Variants in ALK observed in about 807,000 individuals in gnomAD.
ALK encodes ALK tyrosine kinase receptor.
A neutral mutation model predicts 163.1 loss-of-function variants in ALK; 74 were observed. The ratio of observed to expected loss-of-function variants is 0.45; its 90% CI spans 0.38 to 0.55. ALK has a LOEUF of 0.55. Ranked by LOEUF, ALK falls within the 20% of genes least tolerant of loss-of-function variation. The pLI is 0.00. For synonymous variants in ALK, 960 were observed against 843.2 expected (o/e 1.14, Z -2.40); for missense variants, 2,063 against 2,105.3 (o/e 0.98, Z 0.39).
intron 23 of ALK, among the ~76,000 whole-genome samples, chr2:29,217,133 TGTG>T (rs1441733095): frequency 4.6e-5 from 3 of 64,586 alleles, no homozygotes; most frequent in Non-Finnish European, 7.7e-5. Flanking sequence ...GTGTGTGGTG[TGTG>T]TGTGTGTGTG....
intron 3 of ALK, among the ~76,000 whole-genome samples, chr2:29,551,172 T>C (rs1673704361): frequency 6.6e-6 from 1 of 152,136 alleles, no homozygotes; most frequent in South Asian, 2.1e-4. Flanking sequence ...TTTAAAGAAA[T>C]GGAGTTATTT....
intron 1 of ALK, among the ~76,000 whole-genome samples, chr2:29,859,588 T>C (rs933358965): frequency 6.7e-6 from 1 of 150,082 alleles, no homozygotes; most frequent in Non-Finnish European, 1.5e-5. Context: ...AAAACCTGAG[T>C]GAAGGTAATG....
intron 5 of ALK, among the ~76,000 whole-genome samples, chr2:29,333,091 A>T (rs977448380): frequency 1.3e-5 from 2 of 151,944 alleles, no homozygotes; most frequent in Non-Finnish European, 2.9e-5. Flanking sequence ...GATTTCTTTG[A>T]TAGCCAGTGA....
intron 25 of ALK, among the ~76,000 whole-genome samples, chr2:29,209,206 A>C (rs1298004222): frequency 6.6e-6 from 1 of 152,152 alleles, no homozygotes; most frequent in African/African-American, 2.4e-5. Context: ...GTCTCAGAGC[A>C]TGGCCAGATT....
At chr2:29,897,005 A>T (rs1445322148) in intron 1 of ALK, among the ~76,000 whole-genome samples, 1 of 152,248 alleles carries the variant, frequency 6.6e-6, no homozygotes, top group Non-Finnish European at 1.5e-5. Flanking sequence ...ATGTAAATAG[A>T]GATCTACAAT....
At position 29,398,955 on chromosome 2, in the gene ALK, TTG is replaced by T. The variant is rs1339037819; in HGVS notation, c.1155-15098_1155-15097del. Among the ~76,000 whole-genome samples the T allele has an allele frequency of 3.9e-5, 6 of 152,258 alleles. No individual in the cohort carries two copies. In the East Asian group the frequency reaches 7.7e-4, roughly 20 times the overall value. On this transcript the variant is annotated intron_variant, in intron 4 of 28. Coordinates refer to ENST00000389048, the MANE Select transcript of ALK (RefSeq NM_004304.5). The stretch of plus-strand genomic sequence containing the variant: ...GCTCTTCATGGCTACAGGGTGAGGC[TTG>T]TGTGGCAGGAGCTGCTGCAGGGGTA...
At chr2:29,564,175 T>A (rs572481407) in intron 3 of ALK, among the ~76,000 whole-genome samples, 6 of 152,252 alleles carry the variant, frequency 3.9e-5, no homozygotes, top group African/African-American at 9.6e-5. Context: ...GGTGCGAGCT[T>A]TGGACTCAGC....
At chr2:29,639,099 TAGA>T (rs1476745443) in intron 3 of ALK, among the ~76,000 whole-genome samples, 3 of 152,314 alleles carry the variant, frequency 2.0e-5, no homozygotes, top group Middle Eastern at 3.4e-3. Context: ...GACCTTATAG[TAGA>T]AGACCTCATG....
intron 1 of ALK, among the ~76,000 whole-genome samples, chr2:29,812,415 AC>A (rs1223387003): frequency 6.6e-6 from 1 of 152,178 alleles, no homozygotes; most frequent in Non-Finnish European, 1.5e-5. Flanking sequence ...AGAGTTGTGT[AC>A]AATTAGGTCT....
At chr2:29,887,170 T>C (rs1667005202) in intron 1 of ALK, among the ~76,000 whole-genome samples, 1 of 152,236 alleles carries the variant, frequency 6.6e-6, no homozygotes, top group Non-Finnish European at 1.5e-5. Flanking sequence ...AATTCAGGCA[T>C]GGTTTTAACT....
At chr2:29,832,198 A>G (rs764826968) in intron 1 of ALK, among the ~76,000 whole-genome samples, 12 of 152,226 alleles carry the variant, frequency 7.9e-5, no homozygotes, top group Non-Finnish European at 1.0e-4. Flanking sequence ...CCAATTCCAC[A>G]TGACTTTGGA....
intron 1 of ALK, among the ~76,000 whole-genome samples, chr2:29,916,699 G>C (rs1667843985): frequency 6.6e-6 from 1 of 152,194 alleles, no homozygotes; most frequent in African/African-American, 2.4e-5. Context: ...TGGGTGGGGA[G>C]GGAGTGCTTA....
At chr2:29,892,783 C>T (rs1209651435) in intron 1 of ALK, among the ~76,000 whole-genome samples, 5 of 152,204 alleles carry the variant, frequency 3.3e-5, no homozygotes, top group African/African-American at 1.2e-4. Flanking sequence ...TCCCTGCTCC[C>T]ACACACATAC....
intron 3 of ALK, among the ~76,000 whole-genome samples, chr2:29,536,629 A>G (rs1673263881): frequency 6.6e-6 from 1 of 152,226 alleles, no homozygotes; most frequent in South Asian, 2.1e-4. Context: ...CTGAAAATAT[A>G]GAAGTAACTT....
intron 3 of ALK, among the ~76,000 whole-genome samples, chr2:29,566,444 G>A (rs1454619857): frequency 6.6e-6 from 1 of 152,176 alleles, no homozygotes. Context: ...GATGATAGTT[G>A]GGAGTAGGGT....
At chr2:29,221,858 C>A (rs2148167863) in intron 22 of ALK, among the ~76,000 whole-genome samples, 1 of 152,350 alleles carries the variant, frequency 6.6e-6, no homozygotes, top group African/African-American at 2.4e-5. Flanking sequence ...GCCATAGGCA[C>A]TGAGACTCTC....
chr2:29,329,345 C>A (rs1015938249), intron 5 of ALK, among the ~76,000 whole-genome samples: 4 of 152,216 alleles, frequency 2.6e-5, no homozygotes, highest in East Asian at 1.9e-4. Context: ...GCCTCCCTGA[C>A]CAAATGGAGG....
intron 3 of ALK, among the ~76,000 whole-genome samples, chr2:29,608,956 GCT>G (rs374927672): frequency 3.1e-4 from 47 of 152,200 alleles, no homozygotes; most frequent in African/African-American, 1.0e-3. Context: ...ACAGAGTCTT[GCT>G]CTGTCATTCA....
At chr2:29,675,717 A>T (rs920051805) in intron 3 of ALK, among the ~76,000 whole-genome samples, 2 of 152,012 alleles carry the variant, frequency 1.3e-5, no homozygotes, top group African/African-American at 4.8e-5. Context: ...GTTTATTTAC[A>T]AAATAATGAG....
Sources: allele counts gnomAD v4.1 joint callset (sites outside exome capture counted in the v4.1 genomes callset), GRCh38; gene constraint gnomAD v4.1.1; transcripts MANE v1.5; gene names NCBI Gene and HGNC (gene_info 2026-07-23, HGNC 2026-07-21).